Variants in MCM9 observed in about 807,000 individuals in gnomAD.
MCM9 encodes the protein DNA helicase MCM9.
In MCM9, 55 loss-of-function variants were observed where a neutral mutation model predicts 72.8. The ratio of observed to expected loss-of-function variants is 0.76; its 90% confidence interval spans 0.61 to 0.95. MCM9 has a LOEUF of 0.95. Among genes scored for constraint, MCM9 ranks in the 40% least tolerant of loss-of-function variants. MCM9 has a pLI of 0.00. For synonymous variants in MCM9, 480 were observed against 503.4 expected, an observed-to-expected ratio of 0.95 and a Z score of 0.62; for missense variants, 1,279 against 1,377.0, an observed-to-expected ratio of 0.93 and a Z score of 1.13.
chr6:118,904,135 A>G (rs915056649), intron 8 of MCM9, among the ~76,000 whole-genome samples: 2 of 152,220 alleles, frequency 1.3e-5, no homozygotes, highest in African/African-American at 4.8e-5. Context: ...AGCAGTGCAA[A>G]TGATAGGCTA....
chr6:118,902,944 C>T (rs1393771796), intron 8 of MCM9, among the ~76,000 whole-genome samples: 2 of 152,220 alleles, frequency 1.3e-5, no homozygotes, highest in Non-Finnish European at 2.9e-5. Context: ...GATGTCCAGA[C>T]ATCTGCCTAG....
At chr6:118,897,928 T>C (rs147901746) in intron 8 of MCM9, among the ~76,000 whole-genome samples, 1 of 152,270 alleles carries the variant, frequency 6.6e-6, no homozygotes, top group Non-Finnish European at 1.5e-5. Context: ...TAAAAATCAA[T>C]GTACAAGTGT....
intron 8 of MCM9, chr6:118,894,545 C>T: frequency 6.6e-7 from 1 of 1,523,110 alleles, no homozygotes; most frequent in Non-Finnish European, 8.8e-7. Context: ...CCCGTGCGCC[C>T]GGGCTGTCAG....
At chr6:118,839,493 T>C (rs986727442) in intron 9 of MCM9, among the ~76,000 whole-genome samples, 5 of 152,132 alleles carry the variant, frequency 3.3e-5, no homozygotes, top group Non-Finnish European at 5.9e-5. Context: ...GGAGGAGAAT[T>C]TGAAGAGGCG....
chr6:118,927,134 T>C (rs1171545835), intron 3 of MCM9, among the ~76,000 whole-genome samples: 2 of 152,212 alleles, frequency 1.3e-5, no homozygotes, highest in Non-Finnish European at 2.9e-5. Context: ...CTCATCTCAG[T>C]TCTGCTTCAG....
chr6:118,903,520 A>C (rs1404906230), intron 8 of MCM9, among the ~76,000 whole-genome samples: 1 of 152,132 alleles, frequency 6.6e-6, no homozygotes, highest in Admixed American at 6.5e-5. Context: ...CTGAAAAATA[A>C]ACATGTTTAG....
chr6:118,893,807 T>A (rs1229817946), intron 8 of MCM9, among the ~76,000 whole-genome samples: 2 of 150,798 alleles, frequency 1.3e-5, no homozygotes, highest in Non-Finnish European at 2.9e-5. Context: ...GCTGTTGCAC[T>A]GATGTAAAAA....
In MCM9 at chr6:118,815,365, G is replaced by A. The variant is rs909027294; in HGVS notation, c.2891C>T (p.Ala964Val). Residue 964 changes from alanine (A) to valine (V), a missense_variant, in exon 14 of 14, where the codon GCA (alanine) becomes GTA (valine). Physicochemically the swap from Ala to Val is moderately conservative, Grantham distance 64. Coordinates refer to ENST00000619706, the MANE Select transcript of MCM9 (RefSeq NM_017696.3). ...TCCTGGACGCTTCACCGGCAAGGCT[G>A]CGTCTCTTCTTGTTCTACGCTGGGA... ...KISQRRTRRD[A>V]ALPVKRPGKL... The A allele has an allele frequency of 2.6e-6, 4 of 1,550,364 alleles. No homozygotes were observed. The highest frequency in any genetic ancestry group is 3.5e-6 in the Non-Finnish European group (4 of 1,146,892).
intron 5 of MCM9, chr6:118,920,477 T>C (rs116611345): frequency 5.3e-5 from 8 of 152,238 alleles, no homozygotes; most frequent in Admixed American, 1.3e-4. Flanking sequence ...GTTTGGATAA[T>C]TGTCCCCATT....
At chr6:118,821,902 C>T (rs1004747617) in intron 13 of MCM9, among the ~76,000 whole-genome samples, 19 of 152,254 alleles carry the variant, frequency 1.2e-4, no homozygotes, top group South Asian at 2.1e-4. Context: ...TCCTTTCTCA[C>T]GCTTGATTGA....
At chr6:118,821,694 T>C (rs1773824209) in intron 13 of MCM9, among the ~76,000 whole-genome samples, 2 of 152,216 alleles carry the variant, frequency 1.3e-5, no homozygotes, top group Admixed American at 1.3e-4. Flanking sequence ...GAAGTTCTCC[T>C]GGAAAATATC....
chr6:118,910,542 G>C (rs1780469190), intron 8 of MCM9: 1 of 865,284 alleles, frequency 1.2e-6, no homozygotes. Context: ...CACTTAGATG[G>C]CTTGGACTCA....
intron 9 of MCM9, among the ~76,000 whole-genome samples, chr6:118,843,144 T>A (rs1443870186): frequency 1.3e-5 from 2 of 152,110 alleles, no homozygotes; most frequent in East Asian, 3.9e-4. Flanking sequence ...TGCTTAAGCA[T>A]CTGAATAGTA....
intron 9 of MCM9, 38 bp from the exon 10 acceptor site, chr6:118,829,288 T>C: frequency 6.6e-7 from 1 of 1,507,782 alleles, no homozygotes; most frequent in Non-Finnish European, 8.9e-7. Context: ...GATTGTGAGG[T>C]TCAGATAAAA....
intron 8 of MCM9, among the ~76,000 whole-genome samples, chr6:118,884,135 G>A (rs1474538483): frequency 6.6e-6 from 1 of 152,142 alleles, no homozygotes; most frequent in Non-Finnish European, 1.5e-5. Context: ...CAAATGAAGA[G>A]AGCCAGAAAT....
intron 9 of MCM9, among the ~76,000 whole-genome samples, chr6:118,835,884 G>A (rs892194034): frequency 2.6e-5 from 4 of 152,148 alleles, no homozygotes; most frequent in Admixed American, 2.0e-4. Flanking sequence ...CCAATACTAT[G>A]TTGACTAGGA....
intron 8 of MCM9, among the ~76,000 whole-genome samples, chr6:118,896,213 A>T (rs2114494250): frequency 6.6e-6 from 1 of 152,226 alleles, no homozygotes; most frequent in South Asian, 2.1e-4. Context: ...TGATACTACT[A>T]TTAATATAAG....
chr6:118,928,282 A>AGCGGG (rs1221757225), intron 3 of MCM9, among the ~76,000 whole-genome samples: 1 of 151,948 alleles, frequency 6.6e-6, no homozygotes, highest in East Asian at 1.9e-4. Context: ...GTGGTGGCAC[A>AGCGGG]CGCCTGTAAT....
At chr6:118,816,806 T>G (rs867064751) in intron 13 of MCM9, among the ~76,000 whole-genome samples, 5 of 152,084 alleles carry the variant, frequency 3.3e-5, no homozygotes, top group African/African-American at 4.8e-5. Flanking sequence ...GTTGAGGTAC[T>G]GAGTGCATCT....
Sources: gnomAD v4.1 joint callset for allele counts (sites outside exome capture counted in the v4.1 genomes callset) on GRCh38, gnomAD v4.1.1 for gene constraint, MANE v1.5 for transcripts, NCBI Gene and HGNC (gene_info 2026-07-23, HGNC 2026-07-21) for gene names.